The following GOLPH3L variants were observed in gnomAD, a reference collection of about 807,000 sequenced individuals.
GOLPH3L encodes Golgi phosphoprotein 3-like.
Under a neutral mutation model 30.3 loss-of-function variants are expected in GOLPH3L, and 22 were observed. That is an observed-to-expected ratio of 0.73 (90% confidence interval 0.52 to 1.04). The LOEUF (loss-of-function observed/expected upper bound fraction) is 1.04, where lower values mean the gene tolerates loss of function less well. Among genes scored for constraint, GOLPH3L ranks in the 50% least tolerant of loss-of-function variants. The pLI is 0.00. For synonymous variants in GOLPH3L, 120 were observed against 128.2 expected (o/e 0.94, Z 0.43); for missense variants, 303 against 345.8 (o/e 0.88, Z 0.98).
intron 2 of GOLPH3L, among the ~76,000 whole-genome samples, chr1:150,682,099 T>C (rs1557788002): frequency 6.6e-6 from 1 of 151,948 alleles, no homozygotes; most frequent in Non-Finnish European, 1.5e-5. Flanking sequence ...TGTATACATA[T>C]ATATGCACTG....
intron 2 of GOLPH3L, among the ~76,000 whole-genome samples, chr1:150,687,540 A>ACT (rs751907924): frequency 7.9e-5 from 12 of 151,562 alleles, no homozygotes; most frequent in Non-Finnish European, 1.2e-4. Flanking sequence ...GTGCCACTAC[A>ACT]CTCTAGCTTA....
In GOLPH3L at chr1:150,663,751, A is replaced by G; in HGVS notation, c.196T>C (p.Phe66Leu). The change falls in exon 3 of 5, where the codon TTC (phenylalanine) becomes CTC (leucine). Residue 66 changes from phenylalanine to leucine, a missense_variant. Physicochemically the swap from Phe to Leu is conservative, Grantham distance 22. Transcript: ENST00000271732. ...GLKDKEGYTS[F>L]WNDCISSGLR... ...CCTGATGATATGCAGTCATTCCAGA[A>G]AGATGTGTACCCCTAGGAAAGGAGA... The G allele has an allele frequency of 6.2e-7, 1 of 1,613,554 alleles. No homozygotes were observed. Among genetic ancestry groups the G allele is most frequent in the Non-Finnish European group, 8.5e-7 (1 of 1,179,532 alleles).
At chr1:150,684,763 G>A (rs1173394484) in intron 2 of GOLPH3L, among the ~76,000 whole-genome samples, 1 of 152,066 alleles carries the variant, frequency 6.6e-6, no homozygotes, top group Admixed American at 6.6e-5. Flanking sequence ...CGCCTCCTGG[G>A]TTTAAGCAAT....
At chr1:150,669,685 G>C (rs1650597260) in intron 2 of GOLPH3L, among the ~76,000 whole-genome samples, 1 of 152,204 alleles carries the variant, frequency 6.6e-6, no homozygotes, top group East Asian at 1.9e-4. Context: ...CTGTAGGCCG[G>C]GCGCGGTGGC....
At chr1:150,654,222 G>C (rs587599495) in intron 4 of GOLPH3L, among the ~76,000 whole-genome samples, 48 of 151,852 alleles carry the variant, frequency 3.2e-4, no homozygotes, top group African/African-American at 1.0e-3. Flanking sequence ...AATATACTAG[G>C]GGGGCTGGGC....
intron 4 of GOLPH3L, among the ~76,000 whole-genome samples, 179 bp downstream of exon 4, chr1:150,661,633 GAA>G (rs1650368726): frequency 6.6e-6 from 1 of 152,198 alleles, no homozygotes; most frequent in African/African-American, 2.4e-5. Context: ...AAGATAAGGT[GAA>G]GCTTTGGAAA....
Position 150,646,855 on chromosome 1 carries a change from T to G in GOLPH3L, c.*1466A>C, listed in dbSNP as rs1447450356. Reference sequence around the variant, plus strand: ...CAGCTCAGTGCACATCCTCTTTATATCCTCAAATACTGGACTTTATATCAG... The same window carrying G: ...CAGCTCAGTGCACATCCTCTTTATAGCCTCAAATACTGGACTTTATATCAG... On this transcript the variant is annotated 3_prime_UTR_variant, in exon 5 of 5. Transcript: ENST00000271732. 6.6e-6 allele frequency: 1 copy of G among 152,208 alleles called. No homozygotes were observed. The highest frequency in any genetic ancestry group is 1.5e-5 in the Non-Finnish European group (1 of 68,036). The allele number at this position is 152,208 out of a possible 1,614,324, so 9.4% of individuals were successfully genotyped here. A position where few individuals can be genotyped will look rare whatever the true frequency, so the allele number is the denominator to read the frequency against.
At chr1:150,655,404 T>C (rs1650216891) in intron 4 of GOLPH3L, among the ~76,000 whole-genome samples, 1 of 152,138 alleles carries the variant, frequency 6.6e-6, no homozygotes, top group South Asian at 2.1e-4. Context: ...ATTACAACAA[T>C]GGGGAGCACA....
At position 150,647,531 on chromosome 1, in the gene GOLPH3L, C is replaced by G. The variant is rs1450492483; in HGVS notation, c.*790G>C. ...AAAAAGTGGCCTGGGGGAAACAGGACAGTCATATACCCCAAGAATGGAAAT... is the reference window on the plus strand; with the variant it reads ...AAAAAGTGGCCTGGGGGAAACAGGAGAGTCATATACCCCAAGAATGGAAAT... On this transcript the variant is annotated 3_prime_UTR_variant, in exon 5 of 5. Transcript: ENST00000271732. 1 of 151,908 alleles carries G rather than the reference C, an allele frequency of 6.6e-6. No homozygotes were observed. Among genetic ancestry groups the G allele is most frequent in the Non-Finnish European group, 1.5e-5 (1 of 68,124 alleles). The allele number at this position is 151,908 out of a possible 1,614,324, so 9.4% of individuals were successfully genotyped here.
At chr1:150,691,726 G>T (rs886259895) in intron 2 of GOLPH3L, among the ~76,000 whole-genome samples, 9 of 151,852 alleles carry the variant, frequency 5.9e-5, no homozygotes, top group African/African-American at 2.2e-4. Flanking sequence ...ACCTAAATAT[G>T]CAACCTCAAA....
At chr1:150,661,680 C>A in intron 4 of GOLPH3L, 134 bp downstream of exon 4, 2 of 565,484 alleles carry the variant, frequency 3.5e-6, no homozygotes, top group Middle Eastern at 3.9e-4. Flanking sequence ...TTTTTCTGTC[C>A]CTCATTAGAA....
At chr1:150,669,104 A>G (rs1650580881) in intron 2 of GOLPH3L, among the ~76,000 whole-genome samples, 1 of 152,212 alleles carries the variant, frequency 6.6e-6, no homozygotes, top group Non-Finnish European at 1.5e-5. Context: ...TTTTATTAAG[A>G]ATATGCAATA....
At chr1:150,659,712 C>T (rs753996759) in intron 4 of GOLPH3L, among the ~76,000 whole-genome samples, 13 of 152,114 alleles carry the variant, frequency 8.5e-5, no homozygotes, top group East Asian at 1.9e-4. Flanking sequence ...GAGCTGGTCT[C>T]GGCAAGATTA....
At chr1:150,666,990 C>T (rs1650523533) in intron 2 of GOLPH3L, among the ~76,000 whole-genome samples, 1 of 152,106 alleles carries the variant, frequency 6.6e-6, no homozygotes, top group Non-Finnish European at 1.5e-5. Flanking sequence ...AAATTGAGGA[C>T]ATCTTCCTTC....
At chr1:150,695,939 T>G (rs375613907) in intron 1 of GOLPH3L, among the ~76,000 whole-genome samples, 1 of 152,190 alleles carries the variant, frequency 6.6e-6, no homozygotes, top group African/African-American at 2.4e-5. Flanking sequence ...TTTTATTCTA[T>G]GTACTACGGT....
intron 2 of GOLPH3L, among the ~76,000 whole-genome samples, chr1:150,689,395 G>T (rs1369647777): frequency 6.6e-6 from 1 of 152,180 alleles, no homozygotes; most frequent in Admixed American, 6.5e-5. Flanking sequence ...CACTGTTCAT[G>T]AGTTAATAAT....
intron 1 of GOLPH3L, 84 bp from the exon 2 acceptor site, chr1:150,694,934 T>C (rs192447645): frequency 2.8e-5 from 20 of 715,962 alleles, no homozygotes; most frequent in Admixed American, 1.0e-4. Flanking sequence ...TAAACATCCA[T>C]ACAAATAGGA....
intron 4 of GOLPH3L, among the ~76,000 whole-genome samples, chr1:150,653,455 CTTTTTTTTTTTT>C (rs71086589): frequency 3.2e-5 from 2 of 62,638 alleles, no homozygotes; most frequent in East Asian, 4.3e-4. Flanking sequence ...TTGAAAGCAA[CTTTTTTTTTTTT>C]TTTTTTTTTT....
chr1:150,691,398 C>A (rs1651208836), intron 2 of GOLPH3L, among the ~76,000 whole-genome samples: 1 of 152,026 alleles, frequency 6.6e-6, no homozygotes, highest in Non-Finnish European at 1.5e-5. Flanking sequence ...TGCCTGTAAT[C>A]CCAGCTACTC....
Sources: gnomAD v4.1 joint callset for allele counts (sites outside exome capture counted in the v4.1 genomes callset) on GRCh38, gnomAD v4.1.1 for gene constraint, MANE v1.5 for transcripts, NCBI Gene and HGNC (gene_info 2026-07-23, HGNC 2026-07-21) for gene names.